VNN2: variants seen among roughly 807,000 people sequenced by gnomAD.
The protein encoded by VNN2 is pantetheine hydrolase VNN2.
Under a neutral mutation model 43.0 loss-of-function variants are expected in VNN2, and 43 were observed. The observed-to-expected ratio is 1.00, with a 90% CI of 0.78 to 1.29. VNN2 has a LOEUF of 1.29. Among genes scored for constraint, VNN2 ranks in the 50% most tolerant of loss-of-function variants. The pLI is 0.00. For missense variants in VNN2, 652 were observed against 619.7 expected (o/e 1.05, Z -0.55); for synonymous variants, 230 against 224.3 (o/e 1.03, Z -0.23).
Position 132,757,860 on chromosome 6 carries a change from G to C in VNN2, c.24C>G (p.Ile8Met), listed in dbSNP as rs765136450. 5 of 1,613,848 alleles carry C rather than the reference G, an allele frequency of 3.1e-6. No individual in the cohort carries two copies. In the South Asian group the frequency reaches 3.3e-5, roughly 11 times the overall value. The change falls in exon 1 of 7, where the codon ATC (isoleucine) becomes ATG (methionine). Residue 8 changes from isoleucine (I) to methionine (M), a missense_variant. Physicochemically the swap from Ile to Met is conservative, Grantham distance 10. Coordinates refer to ENST00000326499, the MANE Select transcript of VNN2 (RefSeq NM_004665.6). ...TTATTAGGGCAAAAACTGCCACAGA[G>C]ATTGGAAAAGAGGAAGTGACCATGG... is the stretch of plus-strand genomic sequence containing the variant. Reference protein sequence around the residue: MVTSSFPISVAVFALITL... With the variant: MVTSSFPMSVAVFALITL...
chr6:132,749,605 C>T (rs910253426), intron 6 of VNN2, 90 bp downstream of exon 6: 1 of 1,278,860 alleles, frequency 7.8e-7, no homozygotes, highest in Non-Finnish European at 1.1e-6. Context: ...TGTTACACAG[C>T]AGAAGTTAAC....
At chr6:132,757,328 G>T in intron 2 of VNN2, 88 bp downstream of exon 2, 1 of 1,464,672 alleles carries the variant, frequency 6.8e-7, no homozygotes, top group South Asian at 1.4e-5. Context: ...CCACATATAT[G>T]GTAATTCAAG....
chr6:132,752,442 T>A lies in VNN2; in HGVS notation c.826+19A>T. 6.2e-7 allele frequency: 1 copy of A among 1,601,980 alleles called. No individual in the cohort carries two copies. On this transcript the variant is annotated intron_variant, in intron 4 of 6. Coordinates refer to ENST00000326499, the MANE Select transcript of VNN2 (RefSeq NM_004665.6). The stretch of plus-strand genomic sequence containing the variant: ...GCACTTAAAAATATAAGATGAAACC[T>A]AACCTGGTCATGAATTACCTGTCAT...
intron 3 of VNN2, chr6:132,753,745 A>C (rs1297273132): frequency 4.8e-6 from 1 of 207,206 alleles, no homozygotes; most frequent in Non-Finnish European, 1.0e-5. Flanking sequence ...TGAGGCCAGG[A>C]GCTCAAGACC....
chr6:132,748,680 T>A (rs150835836), intron 6 of VNN2, among the ~76,000 whole-genome samples: 178 of 152,374 alleles, frequency 1.2e-3, no homozygotes, highest in African/African-American at 4.2e-3. Context: ...TGTGTGCAAG[T>A]GTTGTATATT....
intron 3 of VNN2, among the ~76,000 whole-genome samples, chr6:132,754,400 C>T (rs1009518977): frequency 6.6e-6 from 1 of 152,202 alleles, no homozygotes; most frequent in Non-Finnish European, 1.5e-5. Context: ...CACAAAAATA[C>T]ATATATTGAG....
chr6:132,758,021 CTTCTTCTTCTTCTTCTTCTTTT>C, upstream of VNN2: 3 of 70,572 alleles, frequency 4.3e-5, no homozygotes, highest in Admixed American at 4.6e-4. Flanking sequence ...TCTTCTTCTT[CTTCTTCTTCTTCTTCTTCTTTT>C]TTTTTTTTTT....
chr6:132,749,652 GA>G (rs1779929354), intron 6 of VNN2, 42 bp downstream of exon 6: 1 of 1,554,982 alleles, frequency 6.4e-7, no homozygotes, highest in South Asian at 1.2e-5. Flanking sequence ...CTTGACTTCA[GA>G]GAACATATAA....
upstream of VNN2, among the ~76,000 whole-genome samples, chr6:132,761,495 A>G (rs1488439320): frequency 6.6e-6 from 1 of 152,074 alleles, no homozygotes; most frequent in East Asian, 1.9e-4. Context: ...GCCAGTCTCT[A>G]CTAAAAATAC....
At position 132,755,912 on chromosome 6, in the gene VNN2, A is replaced by G; in HGVS notation, c.468T>C (p.Asn156=). 1 of 1,614,100 alleles carries G rather than the reference A, an allele frequency of 6.2e-7. No homozygotes were observed. The highest frequency in any genetic ancestry group is 8.5e-7 in the Non-Finnish European group (1 of 1,180,022). ...CATTGGTATTGTATTGAAAGTAGCC[A>G]TTAGGAGGACATGTGGAGTCACGGG... is the stretch of plus-strand genomic sequence containing the variant. ...CNSRDSTCPP[N]GYFQYNTNVV... The change falls in exon 3 of 7, where the codon AAT becomes AAC. Residue 156 remains asparagine, a synonymous_variant. Transcript: ENST00000326499.
At chr6:132,752,084 C>G (rs961166460) in intron 4 of VNN2, among the ~76,000 whole-genome samples, 1 of 152,116 alleles carries the variant, frequency 6.6e-6, no homozygotes, top group Non-Finnish European at 1.5e-5. Flanking sequence ...AGCCATGTCA[C>G]GAGGATATGC....
chr6:132,758,164 T>C (rs4897615), upstream of VNN2, among the ~76,000 whole-genome samples: 101,080 of 150,560 alleles, frequency 0.67, 35,632 homozygotes, highest in African/African-American at 0.89. Flanking sequence ...CCTTCTTCAG[T>C]CTCTGAAACA....
chr6:132,744,040 G>C lies in VNN2; in HGVS notation c.*260C>G. ...AAAGTCTCAAGCAAATGAGGCTGGA[G>C]CTGGAGTTTGATCTTCATTTATCTG... On this transcript the variant is annotated 3_prime_UTR_variant, in exon 7 of 7. Coordinates refer to ENST00000326499, the MANE Select transcript of VNN2 (RefSeq NM_004665.6). 1 of 285,294 alleles carries C rather than the reference G, an allele frequency of 3.5e-6. No homozygotes were observed. The highest frequency in any genetic ancestry group is 8.2e-5 in the East Asian group (1 of 12,234). 17.7% of individuals were successfully genotyped at this position (285,294 alleles called of 1,614,324 possible). A position where few individuals can be genotyped will look rare whatever the true frequency, so the allele number is the denominator to read the frequency against.
Position 132,755,369 on chromosome 6 carries a change from TTTTTCTTTTTTTTC to T in VNN2, c.537+460_537+473del, listed in dbSNP as rs1271461932. Among the ~76,000 whole-genome samples the T allele has an allele frequency of 1.1e-4, 12 of 107,360 alleles. No individual in the cohort carries two copies. In the South Asian group the frequency reaches 2.5e-3, roughly 23 times the overall value. 70.4% of individuals were successfully genotyped at this position (107,360 alleles called of 152,430 possible). Reference sequence around the variant, plus strand: ...TTACAACGTGTCATTTTCTTTTTTCTTTTTCTTTTTTTTCTTTTTTTTTTTTTGAGAGTCTCCCT... The same window carrying T: ...TTACAACGTGTCATTTTCTTTTTTCTTTTTTTTTTTTTTGAGAGTCTCCCT... On this transcript the variant is annotated intron_variant, in intron 3 of 6. Transcript: ENST00000326499.
chr6:132,749,344 A>G (rs1779911547), intron 6 of VNN2, among the ~76,000 whole-genome samples: 1 of 152,188 alleles, frequency 6.6e-6, no homozygotes, highest in Admixed American at 6.5e-5. Flanking sequence ...CATTCAGCTA[A>G]CATGTGAACA....
chr6:132,750,995 C>CGTGTGTGTGTGTGTGTT (rs1554217891), intron 5 of VNN2, 150 bp downstream of exon 5: 1 of 778,922 alleles, frequency 1.3e-6, no homozygotes. Flanking sequence ...CATAAATGCA[C>CGTGTGTGTGTGTGTGTT]GTGTGTGTGT....
intron 4 of VNN2, 125 bp from the exon 5 acceptor site, chr6:132,751,643 A>G (rs1780112681): frequency 8.7e-7 from 1 of 1,145,620 alleles, no homozygotes; most frequent in African/African-American, 1.6e-5. Flanking sequence ...GAGAGGATAC[A>G]TGCTTCTAAT....
At chr6:132,749,431 T>C (rs1205063597) in intron 6 of VNN2, among the ~76,000 whole-genome samples, 2 of 152,010 alleles carry the variant, frequency 1.3e-5, no homozygotes, top group Non-Finnish European at 2.9e-5. Flanking sequence ...GACAAGGCAA[T>C]CACAAACTGG....
chr6:132,745,247 G>A (rs569164471), intron 6 of VNN2, among the ~76,000 whole-genome samples: 107 of 152,136 alleles, frequency 7.0e-4, no homozygotes, highest in Non-Finnish European at 1.1e-3. Context: ...ATGGAGTCTC[G>A]CTCTGTCACC....
Sources: allele counts gnomAD v4.1 joint callset (sites outside exome capture counted in the v4.1 genomes callset), GRCh38; gene constraint gnomAD v4.1.1; transcripts MANE v1.5; gene names NCBI Gene and HGNC (gene_info 2026-07-23, HGNC 2026-07-21).